DNAJA2: variants seen among roughly 807,000 people sequenced by gnomAD.
DNAJA2 encodes the protein dnaJ homolog subfamily A member 2.
Under a neutral mutation model 49.3 loss-of-function variants are expected in DNAJA2, and 6 were observed. The ratio of observed to expected loss-of-function variants is 0.12; its 90% CI spans 0.07 to 0.24. The LOEUF (loss-of-function observed/expected upper bound fraction) is 0.24. DNAJA2 is among the 10% of genes least tolerant of loss of function. The probability of loss-of-function intolerance (pLI) is 1.00; values close to 1 mark genes in which losing one functional copy is unlikely to be tolerated. For synonymous variants in DNAJA2, 160 were observed against 172.7 expected, an observed-to-expected ratio of 0.93 and a Z score of 0.58; for missense variants, 347 against 516.8, an observed-to-expected ratio of 0.67 and a Z score of 3.19.
chr16:46,961,230 A>G (rs1357823591), intron 6 of DNAJA2, among the ~76,000 whole-genome samples: 1 of 151,226 alleles, frequency 6.6e-6, no homozygotes, highest in Non-Finnish European at 1.5e-5. Flanking sequence ...AAATACAAAA[A>G]CTAGCTGGGT....
chr16:46,964,832 T>G, intron 5 of DNAJA2, 25 bp from the exon 6 acceptor site: 4 of 1,593,512 alleles, frequency 2.5e-6, no homozygotes, highest in Non-Finnish European at 3.4e-6. Flanking sequence ...CATTGAAACT[T>G]TCAGCAAGAG....
Position 46,967,599 on chromosome 16 carries a change from C to G in DNAJA2, c.491G>C (p.Gly164Ala), listed in dbSNP as rs772277874. Residue 164 changes from glycine (G) to alanine (A), a missense_variant, in exon 5 of 9, where the codon GGT becomes GCT. Physicochemically the swap from Gly to Ala is moderately conservative, Grantham distance 60. Coordinates refer to ENST00000317089, the MANE Select transcript of DNAJA2 (RefSeq NM_005880.4). ...TCTGATCATGATGCGCACACCTCGA[C>G]CTCGACAAGCACTACACTTTTGGAC... is the stretch of plus-strand genomic sequence containing the variant. ...GAVQKCSACR[G>A]RGVRIMIRQL... is the part of the protein sequence containing the mutation. 1 of 1,614,186 alleles carries G rather than the reference C, an allele frequency of 6.2e-7. No homozygotes were observed.
intron 6 of DNAJA2, 118 bp from the exon 7 acceptor site, chr16:46,959,537 A>G (rs1035723105): frequency 2.1e-6 from 2 of 953,394 alleles, no homozygotes; most frequent in Non-Finnish European, 3.1e-6. Context: ...TGCAAATCCA[A>G]AGTGCCACTG....
intron 4 of DNAJA2, among the ~76,000 whole-genome samples, 192 bp downstream of exon 4, chr16:46,967,892 C>T (rs545673731): frequency 1.3e-5 from 2 of 152,228 alleles, no homozygotes; most frequent in Admixed American, 6.5e-5. Flanking sequence ...CTTCACCTCT[C>T]GGGTTCAAGC....
intron 6 of DNAJA2, among the ~76,000 whole-genome samples, chr16:46,960,479 C>T (rs981100915): frequency 6.6e-6 from 1 of 152,110 alleles, no homozygotes; most frequent in African/African-American, 2.4e-5. Context: ...GATTTTTCAA[C>T]GCATTAAAAA....
At chr16:46,958,934 T>G (rs966509739) in intron 8 of DNAJA2, 69 bp downstream of exon 8, 1 of 1,522,492 alleles carries the variant, frequency 6.6e-7, no homozygotes, top group Middle Eastern at 2.5e-4. Flanking sequence ...ACAGAGACCC[T>G]GTCTAAAAAA....
intron 6 of DNAJA2, among the ~76,000 whole-genome samples, chr16:46,960,114 T>C (rs915144116): frequency 2.6e-5 from 4 of 152,236 alleles, no homozygotes; most frequent in African/African-American, 9.6e-5. Flanking sequence ...ACTCTTCTTG[T>C]AAAGAACAAT....
intron 2 of DNAJA2, 104 bp from the exon 3 acceptor site, chr16:46,971,676 A>AAAAAAG: frequency 1.0e-6 from 1 of 984,276 alleles, no homozygotes; most frequent in Non-Finnish European, 1.5e-6. Flanking sequence ...AAAAAAAAAA[A>AAAAAAG]GGGACAAGTT....
chr16:46,969,496 C>A (rs1962016835), intron 3 of DNAJA2, among the ~76,000 whole-genome samples: 1 of 152,162 alleles, frequency 6.6e-6, no homozygotes, highest in African/African-American at 2.4e-5. Flanking sequence ...CACATCTCAA[C>A]AAAGAAGGCC....
chr16:46,971,047 A>AG (rs1214158166), intron 3 of DNAJA2, among the ~76,000 whole-genome samples: 2 of 151,884 alleles, frequency 1.3e-5, no homozygotes, highest in Admixed American at 6.6e-5. Context: ...AAAAAAAAAA[A>AG]AGAGAGAGAG....
intron 6 of DNAJA2, among the ~76,000 whole-genome samples, chr16:46,960,154 T>G (rs2143643151): frequency 6.6e-6 from 1 of 152,350 alleles, no homozygotes; most frequent in Middle Eastern, 3.4e-3. Context: ...GAAAATCTGG[T>G]AGACAGGTTC....
intron 6 of DNAJA2, 138 bp from the exon 7 acceptor site, chr16:46,959,557 C>T: frequency 1.4e-6 from 1 of 727,726 alleles, no homozygotes; most frequent in South Asian, 2.1e-5. Flanking sequence ...GTCCCTAGTG[C>T]CCTAAACCGC....
intron 8 of DNAJA2, 30 bp downstream of exon 8, chr16:46,958,973 C>T (rs1335234819): frequency 1.3e-6 from 2 of 1,560,132 alleles, no homozygotes; most frequent in Non-Finnish European, 1.7e-6. Context: ...ACTTGGAAGT[C>T]AACTGTTGTT....
intron 2 of DNAJA2, 122 bp downstream of exon 2, chr16:46,971,774 T>C (rs1962053632): frequency 2.0e-6 from 2 of 987,336 alleles, no homozygotes; most frequent in African/African-American, 1.6e-5. Flanking sequence ...ACTCTTGACA[T>C]TATGAAAATG....
chr16:46,957,737 A>G (rs1301764412), intron 8 of DNAJA2, among the ~76,000 whole-genome samples: 1 of 152,210 alleles, frequency 6.6e-6, no homozygotes, highest in African/African-American at 2.4e-5. Flanking sequence ...AGAACCAAAA[A>G]AAAGGTCATT....
Position 46,973,490 on chromosome 16 carries a change from G to T in DNAJA2, c.78+5C>A. ...CTCACACCCGCCCGGCCCGCTCCCA[G>T]ATACCTTCTTCAGCTCGTTCTCGCT... On this transcript the variant is annotated splice_donor_5th_base_variant and intron_variant, in intron 1 of 8. Transcript: ENST00000317089. 1.3e-6 allele frequency: 2 copies of T among 1,599,650 alleles called. No homozygotes were observed. The highest frequency in any genetic ancestry group is 8.5e-7 in the Non-Finnish European group (1 of 1,176,292).
intron 3 of DNAJA2, among the ~76,000 whole-genome samples, chr16:46,968,489 G>A (rs1962005210): frequency 1.3e-5 from 2 of 152,148 alleles, no homozygotes; most frequent in African/African-American, 4.8e-5. Context: ...TGAGGCATAA[G>A]CCCTCCACCT....
chr16:46,961,307 G>A (rs1212247216), intron 6 of DNAJA2, among the ~76,000 whole-genome samples: 1 of 150,458 alleles, frequency 6.6e-6, no homozygotes, highest in Non-Finnish European at 1.5e-5. Flanking sequence ...TTGAACCCGG[G>A]AGGTGGAGGT....
chr16:46,962,089 T>G (rs1275113293), intron 6 of DNAJA2, among the ~76,000 whole-genome samples: 1 of 152,182 alleles, frequency 6.6e-6, no homozygotes, highest in East Asian at 1.9e-4. Flanking sequence ...CTGCCTTCTG[T>G]TGAAAATTCC....
Sources: gnomAD v4.1 joint callset for allele counts (sites outside exome capture counted in the v4.1 genomes callset) on GRCh38, gnomAD v4.1.1 for gene constraint, MANE v1.5 for transcripts, NCBI Gene and HGNC (gene_info 2026-07-23, HGNC 2026-07-21) for gene names.